Variants in FAM25G observed in about 807,000 individuals in gnomAD.
The protein encoded by FAM25G is family with sequence similarity 25 member G, also known as protein FAM25G.
FAM25G carries 3 observed loss-of-function variants against 6.4 expected under a neutral mutation model. That is an observed-to-expected ratio of 0.47 (90% confidence interval 0.21 to 1.21). The LOEUF (loss-of-function observed/expected upper bound fraction) is 1.21. FAM25G is among the 50% of genes most tolerant of loss of function. FAM25G has a pLI of 0.22. For missense variants in FAM25G, 34 were observed against 76.0 expected (o/e 0.45, Z 2.06); for synonymous variants, 15 against 31.3 (o/e 0.48, Z 1.74).
chr10:47,490,437 G>A (rs1219659313), intron 1 of FAM25G: 2 of 151,714 alleles, frequency 1.3e-5, no homozygotes, highest in South Asian at 2.1e-4. Flanking sequence ...GCGCTATCGC[G>A]AGTGTGGAGG....
chr10:47,488,712 AATTTTTTTTTTT>A lies in FAM25G; in HGVS notation c.136+862_136+873del, dbSNP rs1396931781. On this transcript the variant is annotated intron_variant, in intron 2 of 2. Coordinates refer to ENST00000452267, the MANE Select transcript of FAM25G (RefSeq NM_001137549.2). ...ATTTAACATAGAATTTTACATGTTA[AATTTTTTTTTTT>A]TTTTTTTTTTTTTTTTTTTTTGAGA... Among the ~76,000 whole-genome samples the A allele has an allele frequency of 2.8e-3, 267 of 95,890 alleles. 1 individual carries two copies. The highest frequency in any genetic ancestry group is 0.02 in the Admixed American group (161 of 8,024). The allele number at this position is 95,890 out of a possible 152,430, so 62.9% of individuals were successfully genotyped here.
At chr10:47,489,691 C>T in intron 1 of FAM25G, 43 bp from the exon 2 acceptor site, 1 of 601,104 alleles carries the variant, frequency 1.7e-6, no homozygotes, top group South Asian at 1.9e-5. Flanking sequence ...TCAGAGCAGG[C>T]CGGCTGCCCC....
intron 2 of FAM25G, among the ~76,000 whole-genome samples, chr10:47,488,713 AT>A (rs1160121365): frequency 0.035 from 2,194 of 61,936 alleles, no homozygotes; most frequent in African/African-American, 0.069. Flanking sequence ...TACATGTTAA[AT>A]TTTTTTTTTT....
intron 1 of FAM25G, among the ~76,000 whole-genome samples, chr10:47,490,643 C>T (rs1325489691): frequency 2.1e-5 from 3 of 141,788 alleles, no homozygotes; most frequent in African/African-American, 2.6e-5. Context: ...TTTCTCCCAA[C>T]GCTGAGCTTT....
rs1419835162 is a variant in FAM25G, at chr10:47,489,201, G to A, written c.136+385C>T. Among the ~76,000 whole-genome samples, 14 of 138,950 alleles carry A rather than the reference G, an allele frequency of 1.0e-4. 1 individual carries two copies. Among genetic ancestry groups the A allele is most frequent in the Admixed American group, 7.4e-5 (1 of 13,594 alleles). The allele number at this position is 138,950 out of a possible 152,430, so 91.2% of individuals were successfully genotyped here. ...CCCGGCTAATTTTTATGTATTTTTA[G>A]TAGAGACGGGGTTTCACCGTGTTAG... On this transcript the variant is annotated intron_variant, in intron 2 of 2. Coordinates refer to ENST00000452267, the MANE Select transcript of FAM25G (RefSeq NM_001137549.2).
At chr10:47,489,131 C>T (rs1840101639) in intron 2 of FAM25G, among the ~76,000 whole-genome samples, 4 of 150,368 alleles carry the variant, frequency 2.7e-5, no homozygotes, top group African/African-American at 9.8e-5. Flanking sequence ...CATTCTCCTG[C>T]CTCAGCCTCC....
intron 1 of FAM25G, among the ~76,000 whole-genome samples, chr10:47,490,661 AC>A (rs1840135128): frequency 7.4e-6 from 1 of 135,268 alleles, no homozygotes; most frequent in Admixed American, 7.3e-5. Flanking sequence ...TTTTCTCCCA[AC>A]AGGAATCATA....
rs2376618 is a variant in FAM25G, at chr10:47,489,261, G to A, written c.136+325C>T. On this transcript the variant is annotated intron_variant, in intron 2 of 2. Coordinates refer to ENST00000452267, the MANE Select transcript of FAM25G (RefSeq NM_001137549.2). ...TCTCGATCTCCTGACCTCATGATCC[G>A]CCCTCCTCAGCCTCCCAAAGTGCTG... 2.1e-3 allele frequency among the ~76,000 whole-genome samples: 305 copies of A among 142,162 alleles called. 14 individuals carry two copies. Among genetic ancestry groups the A allele is most frequent in the African/African-American group, 5.4e-3 (209 of 39,048 alleles). The allele number at this position is 142,162 out of a possible 152,430, so 93.3% of individuals were successfully genotyped here.
intron 1 of FAM25G, among the ~76,000 whole-genome samples, chr10:47,490,072 G>A (rs1375598977): frequency 2.0e-5 from 3 of 150,308 alleles, no homozygotes; most frequent in Non-Finnish European, 2.9e-5. Context: ...CCCAGGCTGG[G>A]CCTGTGTGCC....
At chr10:47,488,445 A>G (rs1247325521) in intron 2 of FAM25G, among the ~76,000 whole-genome samples, 1 of 147,866 alleles carries the variant, frequency 6.8e-6, no homozygotes, top group Non-Finnish European at 1.5e-5. Context: ...TCCTGACCTC[A>G]GGTGGCCCAC....
At position 47,487,360 on chromosome 10, in the gene FAM25G, A is replaced by G; in HGVS notation, c.185T>C (p.Met62Thr). ...GGTCACTGTCTCGGTGATTTCCTTC[A>G]TCTTTTTGTCCCCTGACTCCTGGGC... Reference protein sequence around the residue: ...KKAQESGDKKMKEITETVTNT... With the variant: ...KKAQESGDKKTKEITETVTNT... Residue 62 changes from methionine (M) to threonine (T), a missense_variant, in exon 3 of 3, where the codon ATG (methionine) becomes ACG (threonine). Physicochemically the swap from Met to Thr is moderately conservative, Grantham distance 81. Coordinates refer to ENST00000452267, the MANE Select transcript of FAM25G (RefSeq NM_001137549.2). 2 of 810,444 alleles carry G rather than the reference A, an allele frequency of 2.5e-6. No individual in the cohort carries two copies. The highest frequency in any genetic ancestry group is 3.7e-6 in the Non-Finnish European group (2 of 533,432). 50.2% of individuals were successfully genotyped at this position (810,444 alleles called of 1,614,324 possible).
At chr10:47,489,203 A>G (rs1840102826) in intron 2 of FAM25G, among the ~76,000 whole-genome samples, 1 of 137,294 alleles carries the variant, frequency 7.3e-6, no homozygotes, top group Non-Finnish European at 1.6e-5. Flanking sequence ...TATTTTTAGT[A>G]GAGACGGGGT....
chr10:47,491,699 C>T lies in FAM25G; in HGVS notation c.-25G>A. 1.3e-6 allele frequency: 2 copies of T among 1,542,390 alleles called. No homozygotes were observed. Among genetic ancestry groups the T allele is most frequent in the Non-Finnish European group, 1.8e-6 (2 of 1,141,656 alleles). On this transcript the variant is annotated 5_prime_UTR_variant, in exon 1 of 3. Coordinates refer to ENST00000452267, the MANE Select transcript of FAM25G (RefSeq NM_001137549.2). ...TCGTGTGGCAGCAGACAGTGGCGAA[C>T]TAGGATGCTGAGGACTGGCCCAACA...
intron 2 of FAM25G, among the ~76,000 whole-genome samples, chr10:47,488,713 ATTTTTTT>A (rs1160121365): frequency 1.6e-4 from 10 of 62,114 alleles, no homozygotes; most frequent in African/African-American, 2.8e-4. Context: ...TACATGTTAA[ATTTTTTT>A]TTTTTTTTTT....
At chr10:47,488,555 T>C (rs1430446683) in intron 2 of FAM25G, among the ~76,000 whole-genome samples, 1 of 151,260 alleles carries the variant, frequency 6.6e-6, no homozygotes, top group Admixed American at 6.6e-5. Context: ...GTTTATCTCC[T>C]AGTAAGTTAA....
intron 1 of FAM25G, 138 bp downstream of exon 1, chr10:47,491,464 G>A: frequency 1.7e-6 from 1 of 586,710 alleles, no homozygotes; most frequent in Non-Finnish European, 2.9e-6. Context: ...TGCTGACTTG[G>A]TAGAGCAGGA....
chr10:47,489,864 G>A (rs1421277529), intron 1 of FAM25G, among the ~76,000 whole-genome samples: 2,854 of 144,358 alleles, frequency 0.02, 129 homozygotes, highest in African/African-American at 0.071. Context: ...GGGCTCTGGG[G>A]TGCCACCCCC....
At chr10:47,490,108 T>C (rs1279999030) in intron 1 of FAM25G, among the ~76,000 whole-genome samples, 1 of 150,878 alleles carries the variant, frequency 6.6e-6, no homozygotes, top group Admixed American at 6.6e-5. Flanking sequence ...CAGGATGTGC[T>C]AGCGCCTGCC....
rs1187331390 is a variant in FAM25G, at chr10:47,489,028, T to C, written c.136+558A>G. On this transcript the variant is annotated intron_variant, in intron 2 of 2. Coordinates refer to ENST00000452267, the MANE Select transcript of FAM25G (RefSeq NM_001137549.2). ...CCGCCCCCAGCAATTATTTTTTTCTTTTTTTTTGAGACCGAGTCTTGCTCT... is the reference window on the plus strand; with the variant it reads ...CCGCCCCCAGCAATTATTTTTTTCTCTTTTTTTGAGACCGAGTCTTGCTCT... Among the ~76,000 whole-genome samples, 17 of 144,178 alleles carry C rather than the reference T, an allele frequency of 1.2e-4. No individual in the cohort carries two copies. In the South Asian group the frequency reaches 1.7e-3, roughly 15 times the overall value. 94.6% of individuals were successfully genotyped at this position (144,178 alleles called of 152,430 possible). A position where few individuals can be genotyped will look rare whatever the true frequency, so the allele number is the denominator to read the frequency against.
Sources: gnomAD v4.1 joint callset for allele counts (sites outside exome capture counted in the v4.1 genomes callset) on GRCh38, gnomAD v4.1.1 for gene constraint, MANE v1.5 for transcripts, NCBI Gene and HGNC (gene_info 2026-07-23, HGNC 2026-07-21) for gene names.